The following EML6 variants were observed in gnomAD, a reference collection of about 807,000 sequenced individuals.
EML6 encodes the protein echinoderm microtubule-associated protein-like 6.
Under a neutral mutation model 240.1 loss-of-function variants are expected in EML6, and 154 were observed. The observed-to-expected ratio is 0.64, with a 90% CI of 0.56 to 0.73. EML6 has a LOEUF of 0.73. EML6 is among the 30% of genes least tolerant of loss of function. EML6 has a pLI of 0.00. For missense variants in EML6, 2,964 were observed against 2,474.6 expected (o/e 1.20, Z -4.20); for synonymous variants, 1,148 against 899.0 (o/e 1.28, Z -4.95).
intron 2 of EML6, among the ~76,000 whole-genome samples, chr2:54,771,952 A>C (rs1181411932): frequency 1.3e-5 from 2 of 152,234 alleles, no homozygotes; most frequent in Non-Finnish European, 2.9e-5. Flanking sequence ...AGGACCCTGT[A>C]GGCTATACAA....
chr2:54,957,945 G>A lies in EML6; in HGVS notation c.4642G>A (p.Gly1548Arg), dbSNP rs201325402. 100 of 1,551,436 alleles carry A rather than the reference G, an allele frequency of 6.4e-5. 1 individual carries two copies. In the African/African-American group the frequency reaches 1.0e-3, roughly 16 times the overall value. The change falls in exon 33 of 42, where the codon GGG becomes AGG. Residue 1548 changes from glycine to arginine, a missense_variant. By Grantham distance (125) the Gly-to-Arg change is moderately radical. Transcript: ENST00000356458. ...CTTGCTTTACAAGAAAGGGGTCATCGGGTCCCTGGGAGCTGCCAAAATGCA... is the reference window on the plus strand; with the variant it reads ...CTTGCTTTACAAGAAAGGGGTCATCAGGTCCCTGGGAGCTGCCAAAATGCA... ...SALLYKKGVI[G>R]SLGAAKMQTM...
rs1676777844 is a variant in EML6, at chr2:54,967,014, C to T, written c.5508C>T (p.Ala1836=). 2 of 1,550,856 alleles carry T rather than the reference C, an allele frequency of 1.3e-6. No homozygotes were observed. Among genetic ancestry groups the T allele is most frequent in the African/African-American group, 2.7e-5 (2 of 73,022 alleles). Residue 1836 remains alanine (A), a synonymous_variant, in exon 39 of 42, where the codon GCC becomes GCT. Transcript: ENST00000356458. ...TCTACCTACAGGTGTCAACAGGTGC[C>T]TATAAGCGCCAGGTGCATGAGGTCC... ...DGKYIQVSTG[A]YKRQVHEVPL... is the part of the protein sequence containing the mutation.
At chr2:54,751,987 A>C (rs1684194795) in intron 2 of EML6, among the ~76,000 whole-genome samples, 1 of 152,196 alleles carries the variant, frequency 6.6e-6, no homozygotes, top group Admixed American at 6.5e-5. Flanking sequence ...AAACTTCAGC[A>C]GCCTCTATTT....
At chr2:54,963,788 G>A (rs780709836) in intron 36 of EML6, among the ~76,000 whole-genome samples, 198 bp from the exon 37 acceptor site, 9 of 152,230 alleles carry the variant, frequency 5.9e-5, no homozygotes, top group Non-Finnish European at 1.3e-4. Flanking sequence ...CCTAAAACTT[G>A]TTGTCCCCCA....
At chr2:54,913,735 G>A (rs1232433116) in intron 25 of EML6, among the ~76,000 whole-genome samples, 1 of 151,998 alleles carries the variant, frequency 6.6e-6, no homozygotes, top group Admixed American at 6.6e-5. Context: ...CTTTCCCAAG[G>A]CCAATGTCCA....
rs551632548 is a variant in EML6, at chr2:54,860,542, T to C, written c.1825+841T>C. 1.1e-3 allele frequency among the ~76,000 whole-genome samples: 175 copies of C among 152,228 alleles called. 1 individual carries two copies. Among genetic ancestry groups the C allele is most frequent in the Non-Finnish European group, 2.2e-3 (150 of 68,014 alleles). On this transcript the variant is annotated intron_variant, in intron 12 of 41. Coordinates refer to ENST00000356458, the MANE Select transcript of EML6 (RefSeq NM_001039753.4). ...AGCCTAAGAAACAGACCTCTGAGCC[T>C]CCTCCCATGACTCATCCCATCAGTA...
chr2:54,865,787 C>G (rs1431571583), intron 13 of EML6, among the ~76,000 whole-genome samples: 1 of 152,314 alleles, frequency 6.6e-6, no homozygotes, highest in East Asian at 1.9e-4. Flanking sequence ...AATGCTTTCA[C>G]CGATATTTGA....
intron 2 of EML6, among the ~76,000 whole-genome samples, chr2:54,750,899 G>A (rs759077028): frequency 2.6e-5 from 4 of 152,252 alleles, no homozygotes; most frequent in Non-Finnish European, 5.9e-5. Context: ...AGTCCTCCCC[G>A]AGCCACATGG....
chr2:54,924,092 C>T (rs1290714810), intron 26 of EML6, among the ~76,000 whole-genome samples: 1 of 152,140 alleles, frequency 6.6e-6, no homozygotes, highest in Non-Finnish European at 1.5e-5. Context: ...TTAGACAAGT[C>T]TTTGTAGACA....
intron 24 of EML6, among the ~76,000 whole-genome samples, chr2:54,908,392 T>C (rs1673462314): frequency 6.6e-6 from 1 of 152,088 alleles, no homozygotes; most frequent in African/African-American, 2.4e-5. Flanking sequence ...TTTCTGTATT[T>C]TTAGTAGATA....
rs1676113449 is a variant in EML6 at position 54,954,023 on chromosome 2, A to T, written c.4353A>T (p.Lys1451Asn). 1.3e-6 allele frequency: 2 copies of T among 1,551,694 alleles called. No individual in the cohort carries two copies. The highest frequency in any genetic ancestry group is 3.9e-5 in the Admixed American group (2 of 50,948). ...PSIHIWDAMT[K>N]HTLSMLRCFH... is the part of the protein sequence containing the mutation. Reference sequence around the variant, plus strand: ...TCCACATATGGGACGCCATGACCAAACACACCCTCTCCATGCTGCGGTGCT... The same window carrying T: ...TCCACATATGGGACGCCATGACCAATCACACCCTCTCCATGCTGCGGTGCT... Residue 1451 changes from lysine (K) to asparagine (N), a missense_variant, in exon 32 of 42, where the codon AAA (lysine) becomes AAT (asparagine). Transcript: ENST00000356458.
chr2:54,733,223 G>T (rs144525166), intron 2 of EML6, among the ~76,000 whole-genome samples: 112 of 152,312 alleles, frequency 7.4e-4, no homozygotes, highest in African/African-American at 2.5e-3. Flanking sequence ...GCTGGTCAGA[G>T]AATTTTTCTA....
chr2:54,857,186 C>T (rs1488783643), intron 11 of EML6, among the ~76,000 whole-genome samples: 2 of 152,076 alleles, frequency 1.3e-5, no homozygotes, highest in South Asian at 2.1e-4. Flanking sequence ...AAGTTAGGGG[C>T]CCGTACTGGG....
chr2:54,957,721 G>A, intron 32 of EML6, 69 bp from the exon 33 acceptor site: 1 of 1,429,804 alleles, frequency 7.0e-7, no homozygotes, highest in Non-Finnish European at 9.6e-7. Context: ...GAGACCTCCT[G>A]GGCTGCGGCT....
At chr2:54,794,338 C>T (rs138181112) in intron 2 of EML6, among the ~76,000 whole-genome samples, 3 of 152,248 alleles carry the variant, frequency 2.0e-5, no homozygotes, top group Non-Finnish European at 2.9e-5. Context: ...GGATTTCTAT[C>T]GCCCTTTTCT....
intron 2 of EML6, among the ~76,000 whole-genome samples, chr2:54,788,944 TC>T (rs1669243666): frequency 1.3e-5 from 2 of 152,214 alleles, no homozygotes; most frequent in South Asian, 4.1e-4. Context: ...ACATTGGCTT[TC>T]TATTCCCTTC....
At chr2:54,926,719 C>T (rs1674565907) in intron 26 of EML6, among the ~76,000 whole-genome samples, 1 of 152,200 alleles carries the variant, frequency 6.6e-6, no homozygotes, top group African/African-American at 2.4e-5. Flanking sequence ...CTTGAATCAC[C>T]CACTGCTGCA....
intron 26 of EML6, among the ~76,000 whole-genome samples, chr2:54,917,896 G>A (rs1488641730): frequency 2.0e-5 from 3 of 152,176 alleles, no homozygotes; most frequent in African/African-American, 7.2e-5. Context: ...GTCTAGAACT[G>A]TATTCAGTGT....
At chr2:54,908,822 T>C (rs1002167582) in intron 24 of EML6, among the ~76,000 whole-genome samples, 2 of 152,258 alleles carry the variant, frequency 1.3e-5, no homozygotes, top group African/African-American at 4.8e-5. Flanking sequence ...GAACTTTGAT[T>C]ACCCAGCCCA....
Sources: allele counts gnomAD v4.1 joint callset (sites outside exome capture counted in the v4.1 genomes callset), GRCh38; gene constraint gnomAD v4.1.1; transcripts MANE v1.5; gene names NCBI Gene and HGNC (gene_info 2026-07-23, HGNC 2026-07-21).